UBE2E2: variants seen among roughly 807,000 people sequenced by gnomAD.
The protein encoded by UBE2E2 is ubiquitin-conjugating enzyme E2 E2.
UBE2E2 carries 6 observed loss-of-function variants against 24.7 expected under a neutral mutation model. The ratio of observed to expected loss-of-function variants is 0.24; its 90% CI spans 0.13 to 0.48. UBE2E2 has a LOEUF of 0.48. UBE2E2 is among the 20% of genes least tolerant of loss of function. The pLI is 0.99. For missense variants in UBE2E2, 169 were observed against 245.0 expected (o/e 0.69, Z 2.07); for synonymous variants, 104 against 83.6 (o/e 1.24, Z -1.33).
intron 3 of UBE2E2, among the ~76,000 whole-genome samples, chr3:23,461,261 A>G (rs1208926857): frequency 6.6e-6 from 1 of 152,192 alleles, no homozygotes; most frequent in Non-Finnish European, 1.5e-5. Context: ...AAAGGCAGCC[A>G]CAAATCATGT....
At chr3:23,446,720 T>TTTTTTTTA (rs1553612084) in intron 3 of UBE2E2, among the ~76,000 whole-genome samples, 1 of 145,256 alleles carries the variant, frequency 6.9e-6, no homozygotes. Context: ...TTTTTTTTTT[T>TTTTTTTTA]ATCCGTAGGG....
At chr3:23,262,518 C>T (rs1697932128) in intron 3 of UBE2E2, among the ~76,000 whole-genome samples, 1 of 152,058 alleles carries the variant, frequency 6.6e-6, no homozygotes, top group Non-Finnish European at 1.5e-5. Context: ...TGGCTTCATG[C>T]AGTCCTCCGC....
In UBE2E2 at chr3:23,206,164, A is replaced by G. The variant is rs559601672; in HGVS notation, c.-8-2528A>G. Among the ~76,000 whole-genome samples the G allele has an allele frequency of 9.8e-5, 15 of 152,306 alleles. No homozygotes were observed. In the East Asian group the frequency reaches 2.9e-3, roughly 29 times the overall value. Reference sequence around the variant, plus strand: ...CATTTCTTAAGGTATTGCTGGCAGCATTTTGCTATATCTGAGCACCTTTCC... The same window carrying G: ...CATTTCTTAAGGTATTGCTGGCAGCGTTTTGCTATATCTGAGCACCTTTCC... On this transcript the variant is annotated intron_variant, in intron 1 of 5. Transcript: ENST00000396703.
At chr3:23,206,322 A>G (rs1696145120) in intron 1 of UBE2E2, among the ~76,000 whole-genome samples, 1 of 152,224 alleles carries the variant, frequency 6.6e-6, no homozygotes, top group African/African-American at 2.4e-5. Context: ...TAAATCCAAG[A>G]ATGAGAATTT....
intron 5 of UBE2E2, among the ~76,000 whole-genome samples, chr3:23,571,490 A>C (rs769381642): frequency 2.6e-5 from 4 of 151,110 alleles, no homozygotes; most frequent in Non-Finnish European, 1.5e-5. Context: ...GGGTTTCACC[A>C]TGTTGGTCAG....
chr3:23,465,366 C>G (rs1054756934), intron 3 of UBE2E2, among the ~76,000 whole-genome samples: 1 of 152,160 alleles, frequency 6.6e-6, no homozygotes, highest in Non-Finnish European at 1.5e-5. Flanking sequence ...TATAGCTTAT[C>G]CCATATTAAA....
intron 3 of UBE2E2, among the ~76,000 whole-genome samples, chr3:23,238,026 A>G (rs1038840755): frequency 1.3e-5 from 2 of 152,160 alleles, no homozygotes; most frequent in Admixed American, 6.5e-5. Context: ...ACAGGTTGAC[A>G]TTTTAATCAT....
chr3:23,377,575 T>C (rs2125346730), intron 3 of UBE2E2, among the ~76,000 whole-genome samples: 1 of 152,334 alleles, frequency 6.6e-6, no homozygotes, highest in Admixed American at 6.5e-5. Flanking sequence ...ATGGCCATTA[T>C]ACCAAATATT....
intron 3 of UBE2E2, among the ~76,000 whole-genome samples, chr3:23,294,289 G>A (rs532782129): frequency 6.6e-6 from 1 of 152,252 alleles, no homozygotes; most frequent in East Asian, 1.9e-4. Flanking sequence ...AGTATGTGCA[G>A]TTAAACTAGG....
At chr3:23,406,554 T>TTTC (rs1697359797) in intron 3 of UBE2E2, among the ~76,000 whole-genome samples, 3 of 152,156 alleles carry the variant, frequency 2.0e-5, no homozygotes, top group Non-Finnish European at 4.4e-5. Context: ...TAGAGAGAAA[T>TTTC]AAGACATAGT....
chr3:23,543,484 G>C (rs938581586), intron 5 of UBE2E2, among the ~76,000 whole-genome samples: 1 of 151,622 alleles, frequency 6.6e-6, no homozygotes, highest in East Asian at 1.9e-4. Flanking sequence ...AAAATAAAAT[G>C]CCTGGGAATA....
chr3:23,253,159 A>G (rs1488061756), intron 3 of UBE2E2, among the ~76,000 whole-genome samples: 1 of 152,240 alleles, frequency 6.6e-6, no homozygotes, highest in Non-Finnish European at 1.5e-5. Flanking sequence ...ATGTTAGAAG[A>G]AATTATAAAG....
At chr3:23,428,790 T>A (rs1356591463) in intron 3 of UBE2E2, among the ~76,000 whole-genome samples, 1 of 151,678 alleles carries the variant, frequency 6.6e-6, no homozygotes, top group Non-Finnish European at 1.5e-5. Flanking sequence ...TAACACCCCA[T>A]TTCTACAAAA....
intron 3 of UBE2E2, among the ~76,000 whole-genome samples, chr3:23,241,013 T>C (rs998782709): frequency 6.6e-6 from 1 of 152,242 alleles, no homozygotes; most frequent in Non-Finnish European, 1.5e-5. Flanking sequence ...TGTGGATAAC[T>C]GTTTACTCAT....
intron 3 of UBE2E2, among the ~76,000 whole-genome samples, chr3:23,274,414 G>A (rs910870372): frequency 6.6e-6 from 1 of 152,042 alleles, no homozygotes; most frequent in African/African-American, 2.4e-5. Context: ...GCGGCAGGCT[G>A]CAGTGCAGTG....
At chr3:23,547,166 C>T (rs568500579) in intron 5 of UBE2E2, among the ~76,000 whole-genome samples, 2 of 152,314 alleles carry the variant, frequency 1.3e-5, no homozygotes, top group African/African-American at 4.8e-5. Flanking sequence ...TACAGCTTCT[C>T]TCAAGAGAGG....
chr3:23,312,200 C>G (rs1694424379), intron 3 of UBE2E2, among the ~76,000 whole-genome samples: 1 of 152,180 alleles, frequency 6.6e-6, no homozygotes, highest in African/African-American at 2.4e-5. Flanking sequence ...GCTGTGCTTC[C>G]TGTACAGCCT....
chr3:23,416,800 G>C (rs1447388018), intron 3 of UBE2E2, among the ~76,000 whole-genome samples: 1 of 151,966 alleles, frequency 6.6e-6, no homozygotes, highest in African/African-American at 2.4e-5. Context: ...TCATTGAGTT[G>C]ATCAGCAGTC....
chr3:23,244,729 C>A (rs1697342649), intron 3 of UBE2E2, among the ~76,000 whole-genome samples: 1 of 152,160 alleles, frequency 6.6e-6, no homozygotes, highest in African/African-American at 2.4e-5. Context: ...ATTTCTGTTG[C>A]ATTTTTATAA....
Sources: gnomAD v4.1 joint callset for allele counts (sites outside exome capture counted in the v4.1 genomes callset) on GRCh38, gnomAD v4.1.1 for gene constraint, MANE v1.5 for transcripts, NCBI Gene and HGNC (gene_info 2026-07-23, HGNC 2026-07-21) for gene names.